Variants in WWOX observed in about 807,000 individuals in gnomAD.
WWOX encodes WW domain containing oxidoreductase, also known as WW domain-containing oxidoreductase.
A neutral mutation model predicts 46.2 loss-of-function variants in WWOX; 69 were observed. The observed-to-expected ratio is 1.49, with a 90% CI of 1.23 to 1.82. The LOEUF is 1.82. WWOX is among the 40% of genes most tolerant of loss of function. The pLI, the probability that WWOX is intolerant of heterozygous loss-of-function variation, is 0.00. For synonymous variants in WWOX, 359 were observed against 202.6 expected (o/e 1.77, Z -6.56); for missense variants, 919 against 542.6 (o/e 1.69, Z -6.89).
chr16:78,312,400 G>C (rs569152930), intron 5 of WWOX, among the ~76,000 whole-genome samples: 1 of 54,606 alleles, frequency 1.8e-5, no homozygotes, highest in Admixed American at 2.2e-4. Flanking sequence ...TTTTTAAGAC[G>C]GAGTTGTGCT....
At chr16:79,151,483 A>T (rs924172691) in intron 8 of WWOX, among the ~76,000 whole-genome samples, 2 of 152,176 alleles carry the variant, frequency 1.3e-5, no homozygotes, top group Non-Finnish European at 2.9e-5. Context: ...GAGGGAGAGG[A>T]CAGTAACCAA....
At chr16:78,223,384 G>C (rs1317987839) in intron 5 of WWOX, among the ~76,000 whole-genome samples, 2 of 152,180 alleles carry the variant, frequency 1.3e-5, no homozygotes, top group Non-Finnish European at 2.9e-5. Context: ...CCCTGCACTT[G>C]TGTGGACCAT....
At chr16:78,734,840 C>CTTT (rs1567524279) in intron 8 of WWOX, among the ~76,000 whole-genome samples, 1 of 61,698 alleles carries the variant, frequency 1.6e-5, no homozygotes, top group Admixed American at 2.5e-4. Context: ...GGACTTCAGT[C>CTTT]CTTTTTTTTT....
chr16:78,359,483 T>C (rs1166100977), intron 5 of WWOX, among the ~76,000 whole-genome samples: 2 of 152,174 alleles, frequency 1.3e-5, no homozygotes, highest in African/African-American at 4.8e-5. Context: ...TAGTTGGTAC[T>C]TAAGAAATCG....
chr16:78,232,870 T>A (rs2037313092), intron 5 of WWOX, among the ~76,000 whole-genome samples: 1 of 151,988 alleles, frequency 6.6e-6, no homozygotes, highest in South Asian at 2.1e-4. Context: ...TAAGATGGAG[T>A]CTCGCTCTGT....
chr16:78,702,044 T>TATATATATATATATAA (rs1419045896), intron 8 of WWOX, among the ~76,000 whole-genome samples: 7 of 110,032 alleles, frequency 6.4e-5, no homozygotes, highest in African/African-American at 1.5e-4. Context: ...TATATATATA[T>TATATATATATATATAA]AAAATAATGC....
intron 8 of WWOX, among the ~76,000 whole-genome samples, chr16:78,567,248 C>T (rs1389460706): frequency 6.6e-6 from 1 of 152,138 alleles, no homozygotes; most frequent in African/African-American, 2.4e-5. Context: ...CTTCCACTGC[C>T]AAGAAGTAAG....
intron 5 of WWOX, among the ~76,000 whole-genome samples, chr16:78,360,552 C>T (rs1773176880): frequency 1.5e-5 from 2 of 132,286 alleles, no homozygotes; most frequent in South Asian, 4.7e-4. Context: ...TGCCACTGCA[C>T]TCCAGTCTGG....
At chr16:78,938,781 T>C (rs1478100559) in intron 8 of WWOX, among the ~76,000 whole-genome samples, 1 of 152,118 alleles carries the variant, frequency 6.6e-6, no homozygotes, top group Non-Finnish European at 1.5e-5. Context: ...TGGCCCATTA[T>C]ACCAGATAAA....
intron 8 of WWOX, among the ~76,000 whole-genome samples, chr16:78,873,926 G>C (rs2044180181): frequency 6.6e-6 from 1 of 152,042 alleles, no homozygotes; most frequent in African/African-American, 2.4e-5. Context: ...CTTCATTCTA[G>C]TGGCCATTGA....
chr16:79,195,754 G>A (rs2051227447), intron 8 of WWOX, among the ~76,000 whole-genome samples: 1 of 152,152 alleles, frequency 6.6e-6, no homozygotes, highest in Non-Finnish European at 1.5e-5. Flanking sequence ...TGTGTTTTGG[G>A]GAAACACTCC....
chr16:78,828,598 A>G (rs929460708), intron 8 of WWOX, among the ~76,000 whole-genome samples: 1 of 151,986 alleles, frequency 6.6e-6, no homozygotes, highest in Non-Finnish European at 1.5e-5. Context: ...ACCAAATTCT[A>G]TCGGACACAT....
chr16:78,567,451 G>T (rs1280856548), intron 8 of WWOX, among the ~76,000 whole-genome samples: 1 of 150,474 alleles, frequency 6.6e-6, no homozygotes, highest in African/African-American at 2.5e-5. Context: ...TACTCCGGAG[G>T]CTGAGACAGG....
intron 8 of WWOX, among the ~76,000 whole-genome samples, chr16:78,781,480 T>C (rs949789142): frequency 2.6e-5 from 4 of 152,214 alleles, no homozygotes; most frequent in African/African-American, 9.6e-5. Context: ...GCTTTTCTTT[T>C]ATCAGCTGGC....
chr16:78,996,387 C>A (rs1416514406), intron 8 of WWOX: 8 of 853,196 alleles, frequency 9.4e-6, no homozygotes, highest in South Asian at 5.8e-5. Context: ...CCCCCGCCCC[C>A]CAGCTTCCCC....
intron 8 of WWOX, among the ~76,000 whole-genome samples, chr16:78,764,229 G>T (rs996444795): frequency 6.6e-6 from 1 of 151,934 alleles, no homozygotes; most frequent in African/African-American, 2.4e-5. Context: ...AGTGCGGCCG[G>T]GTGTTGTTAA....
At chr16:78,847,759 A>C (rs1269928118) in intron 8 of WWOX, among the ~76,000 whole-genome samples, 1 of 152,000 alleles carries the variant, frequency 6.6e-6, no homozygotes, top group Non-Finnish European at 1.5e-5. Context: ...AATTGTAAAA[A>C]TGGTAGCTTG....
intron 8 of WWOX, among the ~76,000 whole-genome samples, chr16:79,111,543 T>A (rs1011370828): frequency 2.0e-5 from 3 of 152,202 alleles, no homozygotes; most frequent in South Asian, 2.1e-4. Context: ...TCACTTTTTT[T>A]ATGTACTCTT....
intron 8 of WWOX, chr16:78,981,686 C>G (rs981285672): frequency 2.0e-5 from 3 of 152,252 alleles, no homozygotes; most frequent in African/African-American, 4.8e-5. Flanking sequence ...CTTGGCCTCA[C>G]AAAGTGCTGG....
Sources: allele counts gnomAD v4.1 joint callset (sites outside exome capture counted in the v4.1 genomes callset), GRCh38; gene constraint gnomAD v4.1.1; transcripts MANE v1.5; gene names NCBI Gene and HGNC (gene_info 2026-07-23, HGNC 2026-07-21).